Variants in GPC3 observed in about 807,000 individuals in gnomAD.
GPC3 encodes the protein glypican-3.
In GPC3, 3 loss-of-function variants were observed where a neutral mutation model predicts 34.4. The observed-to-expected ratio is 0.09, with a 90% CI of 0.04 to 0.23. The LOEUF (loss-of-function observed/expected upper bound fraction) is 0.23, where lower values mean the gene tolerates loss of function less well. Ranked by LOEUF, GPC3 falls within the 10% of genes least tolerant of loss-of-function variation. The pLI is 1.00. For synonymous variants in GPC3, 177 were observed against 174.0 expected (o/e 1.02, Z -0.13); for missense variants, 351 against 445.6 (o/e 0.79, Z 1.91).
chrX:133,572,190 A>G lies in GPC3; in HGVS notation c.1573+24250T>C, dbSNP rs749610751. ...AAATTAGACATCAATAAAGAAAACT[A>G]TTTGAGAAGTTCACTAATATGTGGA... On this transcript the variant is annotated intron_variant, in intron 7 of 7. Coordinates refer to ENST00000370818, the MANE Select transcript of GPC3 (RefSeq NM_004484.4). Among the ~76,000 whole-genome samples the G allele has an allele frequency of 9.8e-5, 11 of 111,961 alleles. No homozygotes were observed. In the South Asian group the frequency reaches 3.8e-3, roughly 38 times the overall value.
At chrX:133,571,354 T>A (rs937603498) in intron 7 of GPC3, among the ~76,000 whole-genome samples, 1 of 111,460 alleles carries the variant, frequency 9.0e-6, no homozygotes, top group African/African-American at 3.3e-5. Context: ...TTTTGGGGTG[T>A]CCTGATAGCC....
At chrX:133,653,464 A>G (rs1414871128) in intron 6 of GPC3, among the ~76,000 whole-genome samples, 1 of 111,610 alleles carries the variant, frequency 9.0e-6, no homozygotes, top group Non-Finnish European at 1.9e-5. Context: ...GATGTCCAGG[A>G]AGGTGGAGGA....
intron 3 of GPC3, among the ~76,000 whole-genome samples, chrX:133,708,902 C>G (rs1408340715): frequency 8.9e-6 from 1 of 112,227 alleles, no homozygotes; most frequent in Non-Finnish European, 1.9e-5. Context: ...ATCTGATTAA[C>G]TTGTCAAACT....
intron 7 of GPC3, among the ~76,000 whole-genome samples, chrX:133,552,965 A>C (rs1043834058): frequency 7.1e-5 from 8 of 112,016 alleles, no homozygotes; most frequent in Non-Finnish European, 1.3e-4. Context: ...ACGGCTATAA[A>C]GATGTGAAAG....
intron 6 of GPC3, among the ~76,000 whole-genome samples, chrX:133,646,207 C>A (rs768405835): frequency 1.4e-4 from 15 of 110,638 alleles, no homozygotes; most frequent in Non-Finnish European, 2.6e-4. Context: ...TGGACTAGGG[C>A]AACGACATGG....
At chrX:133,620,125 C>T (rs768681164) in intron 6 of GPC3, among the ~76,000 whole-genome samples, 1 of 103,946 alleles carries the variant, frequency 9.6e-6, no homozygotes, top group Non-Finnish European at 2.0e-5. Context: ...GAGGCTGAGG[C>T]AGGAGAATCA....
At chrX:133,980,365 T>C (rs368722777) in intron 1 of GPC3, among the ~76,000 whole-genome samples, 2 of 112,280 alleles carry the variant, frequency 1.8e-5, no homozygotes, top group East Asian at 2.8e-4. Context: ...TAAGATGACA[T>C]ATGGCTTAAG....
intron 7 of GPC3, among the ~76,000 whole-genome samples, chrX:133,556,721 A>G (rs2124284052): frequency 1.1e-5 from 1 of 91,359 alleles, no homozygotes; most frequent in African/African-American, 4.1e-5. Context: ...ATGATGTCAA[A>G]AAGATTATGT....
chrX:133,592,410 T>C (rs1206131542), intron 7 of GPC3, among the ~76,000 whole-genome samples: 1 of 107,597 alleles, frequency 9.3e-6, no homozygotes. Context: ...AAAGTGAGAA[T>C]AGTAATGACC....
At chrX:133,963,434 C>A (rs2076450025) in intron 1 of GPC3, among the ~76,000 whole-genome samples, 1 of 112,026 alleles carries the variant, frequency 8.9e-6, no homozygotes, top group Non-Finnish European at 1.9e-5. Context: ...CTCTCAAGGT[C>A]GTTGTGAGAA....
chrX:133,907,982 G>A (rs1036123017), intron 2 of GPC3, among the ~76,000 whole-genome samples: 1 of 109,495 alleles, frequency 9.1e-6, no homozygotes, highest in Non-Finnish European at 1.9e-5. Context: ...GCTAATTTTC[G>A]AGTAAAAAAT....
intron 2 of GPC3, among the ~76,000 whole-genome samples, chrX:133,874,721 T>C (rs774127472): frequency 1.8e-5 from 2 of 112,009 alleles, no homozygotes; most frequent in African/African-American, 3.2e-5. Flanking sequence ...TTATTTAGTT[T>C]GAAAGTGAAT....
intron 2 of GPC3, among the ~76,000 whole-genome samples, chrX:133,795,943 C>CTTTTTTT (rs753300332): frequency 2.4e-5 from 2 of 84,937 alleles, no homozygotes. Flanking sequence ...TTTCTTTTTC[C>CTTTTTTT]TTTTTTTTTT....
At position 133,718,271 on chromosome X, in the gene GPC3, T is replaced by C. The variant is rs770265442; in HGVS notation, c.1033-18243A>G. 7.1e-5 allele frequency among the ~76,000 whole-genome samples: 8 copies of C among 112,055 alleles called. No individual in the cohort carries two copies. The South Asian group carries it at 3.0e-3, about 42-fold the overall frequency. On this transcript the variant is annotated intron_variant, in intron 3 of 7. Coordinates refer to ENST00000370818, the MANE Select transcript of GPC3 (RefSeq NM_004484.4). ...ATACAATGTTTGAAAATGTAATTTG[T>C]ATGACAGTAACAGCACAAGAAGGGG...
At chrX:133,630,864 A>G (rs1485290406) in intron 6 of GPC3, among the ~76,000 whole-genome samples, 1 of 112,077 alleles carries the variant, frequency 8.9e-6, no homozygotes, top group Admixed American at 9.5e-5. Context: ...ATTTTGTAGT[A>G]ATATTTCCTA....
At chrX:133,865,030 T>C (rs1355546219) in intron 2 of GPC3, among the ~76,000 whole-genome samples, 1 of 112,552 alleles carries the variant, frequency 8.9e-6, no homozygotes, top group Non-Finnish European at 1.9e-5. Context: ...AAATGTGATA[T>C]TGTTCTCTTT....
At chrX:133,810,608 T>G (rs994723380) in intron 2 of GPC3, among the ~76,000 whole-genome samples, 4 of 111,032 alleles carry the variant, frequency 3.6e-5, no homozygotes, top group Admixed American at 9.6e-5. Context: ...CGGGAAGTAG[T>G]TGAAAGAGGC....
At chrX:133,554,267 C>T (rs898326104) in intron 7 of GPC3, among the ~76,000 whole-genome samples, 11 of 108,954 alleles carry the variant, frequency 1.0e-4, no homozygotes, top group Non-Finnish European at 1.7e-4. Context: ...TCACCTTGGC[C>T]TCCCAAAGTG....
intron 3 of GPC3, among the ~76,000 whole-genome samples, chrX:133,720,491 G>C (rs2071353182): frequency 8.9e-6 from 1 of 111,902 alleles, no homozygotes; most frequent in Non-Finnish European, 1.9e-5. Context: ...CGCCATCCAT[G>C]TAAGATGTGA....
Sources: gnomAD v4.1 joint callset for allele counts (sites outside exome capture counted in the v4.1 genomes callset) on GRCh38, gnomAD v4.1.1 for gene constraint, MANE v1.5 for transcripts, NCBI Gene and HGNC (gene_info 2026-07-23, HGNC 2026-07-21) for gene names.